YTHDF3: variants seen among roughly 807,000 people sequenced by gnomAD.
YTHDF3 encodes the protein YTH N6-methyladenosine RNA binding protein F3, also known as YTH domain-containing family protein 3.
Under a neutral mutation model 52.5 loss-of-function variants are expected in YTHDF3, and 9 were observed. That is an observed-to-expected ratio of 0.17 (90% CI 0.10 to 0.30). The LOEUF (loss-of-function observed/expected upper bound fraction) is 0.30, where lower values mean the gene tolerates loss of function less well. Ranked by LOEUF, YTHDF3 falls within the 10% of genes least tolerant of loss-of-function variation. The probability of loss-of-function intolerance (pLI) is 1.00; values close to 1 mark genes in which losing one functional copy is unlikely to be tolerated. For synonymous variants in YTHDF3, 274 were observed against 243.3 expected, an observed-to-expected ratio of 1.13 and a Z score of -1.18; for missense variants, 534 against 715.0, an observed-to-expected ratio of 0.75 and a Z score of 2.89.
chr8:63,190,092 G>A (rs1256548394), intron 4 of YTHDF3, among the ~76,000 whole-genome samples: 1 of 152,162 alleles, frequency 6.6e-6, no homozygotes, highest in Non-Finnish European at 1.5e-5. Context: ...TTTTTAGATT[G>A]TGCTGATTTT....
At chr8:63,177,330 C>T (rs879432358) in intron 3 of YTHDF3, among the ~76,000 whole-genome samples, 8 of 152,132 alleles carry the variant, frequency 5.3e-5, no homozygotes, top group Admixed American at 1.3e-4. Context: ...CCCTTCCTAT[C>T]TACTGAGCAA....
chr8:63,195,808 G>A lies in YTHDF3; in HGVS notation c.1734+8063G>A, dbSNP rs144875486. ...CCTGTATTTACGTGTGTGTGTGTGC[G>A]TGCATGTGTGTGTCAGGGTCTCACT... is the stretch of plus-strand genomic sequence containing the variant. On this transcript the variant is annotated intron_variant, in intron 4 of 4. Coordinates refer to ENST00000539294, the MANE Select transcript of YTHDF3 (RefSeq NM_152758.6). 2.6e-3 allele frequency among the ~76,000 whole-genome samples: 393 copies of A among 151,712 alleles called. 1 individual carries two copies. Among genetic ancestry groups the A allele is most frequent in the East Asian group, 4.7e-3 (24 of 5,150 alleles).
intron 1 of YTHDF3, 73 bp downstream of exon 1, chr8:63,168,974 T>C (rs1435088148): frequency 6.0e-6 from 9 of 1,490,420 alleles, no homozygotes; most frequent in Non-Finnish European, 7.2e-6. Context: ...GGGCTTCGGC[T>C]CCTCCCCGTC....
chr8:63,177,236 G>A (rs1807756475), intron 3 of YTHDF3, among the ~76,000 whole-genome samples: 3 of 152,170 alleles, frequency 2.0e-5, no homozygotes, highest in African/African-American at 7.2e-5. Context: ...CCCAATTTGT[G>A]GGATGCAGGA....
intron 1 of YTHDF3, 71 bp downstream of exon 1, chr8:63,168,972 G>T: frequency 6.6e-7 from 1 of 1,524,496 alleles, no homozygotes; most frequent in Non-Finnish European, 8.8e-7. Flanking sequence ...CGGGGCTTCG[G>T]CTCCTCCCCG....
At chr8:63,171,895 T>C in intron 2 of YTHDF3, among the ~76,000 whole-genome samples, 1 of 152,236 alleles carries the variant, frequency 6.6e-6, no homozygotes, top group Non-Finnish European at 1.5e-5. Context: ...TGTCTTTAGT[T>C]GACAGCTTTA....
At chr8:63,197,499 A>G (rs992802642) in intron 4 of YTHDF3, among the ~76,000 whole-genome samples, 1 of 152,310 alleles carries the variant, frequency 6.6e-6, no homozygotes, top group Middle Eastern at 3.4e-3. Context: ...AATCTTTTTG[A>G]CAGTAACATA....
At chr8:63,191,852 A>G (rs891870051) in intron 4 of YTHDF3, among the ~76,000 whole-genome samples, 15 of 152,064 alleles carry the variant, frequency 9.9e-5, no homozygotes, top group African/African-American at 3.6e-4. Context: ...TTTTATTACT[A>G]GGTAGTTTTC....
Position 63,168,650 on chromosome 8 carries a change from A to G in YTHDF3, c.-228A>G. 1.3e-6 allele frequency: 1 copy of G among 752,142 alleles called. No homozygotes were observed. The highest frequency in any genetic ancestry group is 1.8e-5 in the South Asian group (1 of 56,902). 46.6% of individuals were successfully genotyped at this position (752,142 alleles called of 1,614,324 possible). A position where few individuals can be genotyped will look rare whatever the true frequency, so the allele number is the denominator to read the frequency against. ...CTAGGGAGTCTGTCCGCCATTGTGG[A>G]CCCGAGAAGCAGAGAGCGAGAGGGG... is the stretch of plus-strand genomic sequence containing the variant. On this transcript the variant is annotated 5_prime_UTR_variant, in exon 1 of 5. Coordinates refer to ENST00000539294, the MANE Select transcript of YTHDF3 (RefSeq NM_152758.6).
At chr8:63,172,850 T>A in intron 2 of YTHDF3, 1 of 1,202,986 alleles carries the variant, frequency 8.3e-7, no homozygotes, top group Non-Finnish European at 1.0e-6. Flanking sequence ...ACTATGGAAC[T>A]AGCTTGGATT....
chr8:63,184,993 C>T (rs113879932), intron 3 of YTHDF3, among the ~76,000 whole-genome samples: 3,222 of 152,098 alleles, frequency 0.021, 57 homozygotes, highest in Non-Finnish European at 0.033. Flanking sequence ...TGGTGGCGGA[C>T]GCCTGTGGTC....
chr8:63,193,953 T>C (rs1039965231), intron 4 of YTHDF3, among the ~76,000 whole-genome samples: 3 of 152,200 alleles, frequency 2.0e-5, no homozygotes, highest in Non-Finnish European at 2.9e-5. Context: ...TACCTTATAA[T>C]TCAGCAGTTG....
At chr8:63,185,530 T>G (rs758626727) in intron 3 of YTHDF3, among the ~76,000 whole-genome samples, 1 of 152,212 alleles carries the variant, frequency 6.6e-6, no homozygotes, top group Non-Finnish European at 1.5e-5. Flanking sequence ...TTGTTTTATG[T>G]CTTTTTTTGA....
At chr8:63,171,715 C>T (rs1807338818) in intron 2 of YTHDF3, among the ~76,000 whole-genome samples, 1 of 152,240 alleles carries the variant, frequency 6.6e-6, no homozygotes, top group East Asian at 1.9e-4. Flanking sequence ...AGTTATTTTT[C>T]TTGAACTGCA....
intron 4 of YTHDF3, among the ~76,000 whole-genome samples, chr8:63,205,002 TA>T (rs1005032388): frequency 1.3e-5 from 2 of 152,196 alleles, no homozygotes; most frequent in African/African-American, 4.8e-5. Context: ...GTTTGAAGAC[TA>T]GGGGTCTTAG....
chr8:63,185,916 C>G (rs568290941), intron 3 of YTHDF3, among the ~76,000 whole-genome samples: 8 of 152,122 alleles, frequency 5.3e-5, no homozygotes, highest in Non-Finnish European at 1.0e-4. Context: ...ACTCTCATCC[C>G]TGAAAAAAGC....
intron 3 of YTHDF3, among the ~76,000 whole-genome samples, chr8:63,183,449 C>T (rs895799846): frequency 3.3e-5 from 5 of 152,068 alleles, no homozygotes; most frequent in African/African-American, 1.2e-4. Context: ...TTCGTAGCTT[C>T]CAAAGTTTAG....
chr8:63,198,310 A>G (rs1283458381), intron 4 of YTHDF3, among the ~76,000 whole-genome samples: 1 of 151,374 alleles, frequency 6.6e-6, no homozygotes, highest in Non-Finnish European at 1.5e-5. Context: ...TCTGTTGCCC[A>G]GGCTGGAGTG....
At chr8:63,169,574 C>G in intron 2 of YTHDF3, 163 bp downstream of exon 2, 1 of 714,648 alleles carries the variant, frequency 1.4e-6, no homozygotes, top group Non-Finnish European at 2.3e-6. Context: ...TCCAGAACTT[C>G]GGTAGTTCGT....
Sources: gnomAD v4.1 joint callset for allele counts (sites outside exome capture counted in the v4.1 genomes callset) on GRCh38, gnomAD v4.1.1 for gene constraint, MANE v1.5 for transcripts, NCBI Gene and HGNC (gene_info 2026-07-23, HGNC 2026-07-21) for gene names.